GSE1: variants seen among roughly 807,000 people sequenced by gnomAD.
The protein encoded by GSE1 is genetic suppressor element 1.
A neutral mutation model predicts 112.6 loss-of-function variants in GSE1; 32 were observed. The ratio of observed to expected loss-of-function variants is 0.28; its 90% CI spans 0.21 to 0.38. The LOEUF is 0.38. Ranked by LOEUF, GSE1 falls within the 10% of genes least tolerant of loss-of-function variation. The probability of loss-of-function intolerance (pLI) is 1.00; values close to 1 mark genes in which losing one functional copy is unlikely to be tolerated. For missense variants in GSE1, 2,348 were observed against 1,699.2 expected (o/e 1.38, Z -6.71); for synonymous variants, 1,115 against 735.6 (o/e 1.52, Z -8.35).
upstream of GSE1, chr16:85,555,749 T>A: frequency 3.1e-6 from 3 of 976,508 alleles, no homozygotes; most frequent in Non-Finnish European, 3.6e-6. Context: ...CCCTCGCCCT[T>A]GACATTCAAA....
At chr16:85,391,496 T>C (rs2151646190) in intron 2 of GSE1, among the ~76,000 whole-genome samples, 1 of 152,358 alleles carries the variant, frequency 6.6e-6, no homozygotes, top group African/African-American at 2.4e-5. Context: ...CGATGCTTCC[T>C]GCCTCTTCCA....
intron 1 of GSE1, among the ~76,000 whole-genome samples, chr16:85,563,226 T>C (rs2045602438): frequency 6.7e-6 from 1 of 149,668 alleles, no homozygotes; most frequent in African/African-American, 2.5e-5. Flanking sequence ...GCCATATAGA[T>C]TTAAAGTCCT....
At chr16:85,653,635 G>A (rs1191592744) in intron 3 of GSE1, among the ~76,000 whole-genome samples, 5 of 151,956 alleles carry the variant, frequency 3.3e-5, no homozygotes, top group Admixed American at 1.3e-4. Context: ...TGTGAAGGCC[G>A]GTACCCCAGC....
At chr16:85,484,905 C>T (rs1423990892) in intron 2 of GSE1, among the ~76,000 whole-genome samples, 1 of 152,222 alleles carries the variant, frequency 6.6e-6, no homozygotes, top group Non-Finnish European at 1.5e-5. Context: ...TGCTGCCTCA[C>T]CCTGTGCCTG....
chr16:85,463,855 CG>C (rs2151829686), intron 2 of GSE1, among the ~76,000 whole-genome samples: 1 of 152,216 alleles, frequency 6.6e-6, no homozygotes, highest in African/African-American at 2.4e-5. Context: ...GTGAAGCTGG[CG>C]GTGGGCCACT....
chr16:85,392,151 C>T (rs566081587), intron 2 of GSE1, among the ~76,000 whole-genome samples: 2 of 152,186 alleles, frequency 1.3e-5, no homozygotes, highest in South Asian at 2.1e-4. Context: ...TCCTGGGATC[C>T]GCCTCTTGAG....
chr16:85,199,000 A>G (rs542489380), intron 1 of GSE1, among the ~76,000 whole-genome samples: 13 of 151,330 alleles, frequency 8.6e-5, no homozygotes, highest in African/African-American at 3.2e-4. Flanking sequence ...GCTGGAGTGC[A>G]GTGGCGTGAT....
At chr16:85,507,542 T>C (rs2051579681) in intron 2 of GSE1, among the ~76,000 whole-genome samples, 1 of 152,232 alleles carries the variant, frequency 6.6e-6, no homozygotes, top group South Asian at 2.1e-4. Flanking sequence ...ATCCATTTCC[T>C]TGCAGTTCTG....
At chr16:85,479,213 T>TTA (rs1555518700) in intron 2 of GSE1, among the ~76,000 whole-genome samples, 1 of 144,156 alleles carries the variant, frequency 6.9e-6, no homozygotes, top group Non-Finnish European at 1.5e-5. Flanking sequence ...TTTTTTTTTT[T>TTA]AGTAGAGACG....
chr16:85,504,281 G>C (rs571506593), intron 2 of GSE1, among the ~76,000 whole-genome samples: 33 of 152,218 alleles, frequency 2.2e-4, no homozygotes, highest in Non-Finnish European at 3.7e-4. Context: ...GGTTTGCAAA[G>C]CCTATTGTGA....
chr16:85,268,653 C>T lies in GSE1; in HGVS notation c.2284-88810C>T, dbSNP rs116990862. ...GGCACTGCTGCTGCCATGATCCCGGCGTGTAGCTGCCCCTGGAGCCCCCCA... is the reference window on the plus strand; with the variant it reads ...GGCACTGCTGCTGCCATGATCCCGGTGTGTAGCTGCCCCTGGAGCCCCCCA... On this transcript the variant is annotated intron_variant, in intron 1 of 2. Coordinates refer to the GSE1 transcript ENST00000637419. Among the ~76,000 whole-genome samples, 21 of 152,282 alleles carry T rather than the reference C, an allele frequency of 1.4e-4. No homozygotes were observed. In the East Asian group the frequency reaches 2.3e-3, roughly 17 times the overall value.
chr16:85,422,821 A>AT (rs2048882298), intron 2 of GSE1, among the ~76,000 whole-genome samples: 1 of 152,114 alleles, frequency 6.6e-6, no homozygotes, highest in African/African-American at 2.4e-5. Flanking sequence ...GAAAGCAGGC[A>AT]TTGGAGGAAG....
At chr16:85,670,644 T>G (rs898901566) in intron 14 of GSE1, 1 of 163,360 alleles carries the variant, frequency 6.1e-6, no homozygotes, top group Non-Finnish European at 1.3e-5. Flanking sequence ...AAATCTGTGC[T>G]TTAGGTGTAC....
intron 2 of GSE1, among the ~76,000 whole-genome samples, chr16:85,456,967 C>T (rs984874865): frequency 1.3e-5 from 2 of 152,172 alleles, no homozygotes; most frequent in Admixed American, 1.3e-4. Flanking sequence ...GAGACCAACT[C>T]CCGACAGAAG....
chr16:85,620,852 T>TG (rs2048688302), intron 1 of GSE1, among the ~76,000 whole-genome samples: 1 of 151,990 alleles, frequency 6.6e-6, no homozygotes, highest in Non-Finnish European at 1.5e-5. Context: ...GTCTTGGCCA[T>TG]GGGTGTCTGC....
chr16:85,484,136 G>A (rs2050763855), intron 2 of GSE1, among the ~76,000 whole-genome samples: 1 of 152,220 alleles, frequency 6.6e-6, no homozygotes, highest in Non-Finnish European at 1.5e-5. Flanking sequence ...GCAGGAATAT[G>A]CCCCTTCATA....
At chr16:85,582,130 C>G (rs1443413151) in intron 1 of GSE1, 1 of 152,218 alleles carries the variant, frequency 6.6e-6, no homozygotes, top group East Asian at 1.9e-4. Flanking sequence ...ACAGCCACTT[C>G]CGCAGGCACG....
chr16:85,303,690 G>A (rs940878193), intron 1 of GSE1, among the ~76,000 whole-genome samples: 3 of 152,266 alleles, frequency 2.0e-5, no homozygotes, highest in Non-Finnish European at 4.4e-5. Context: ...GTGCGGGCAG[G>A]AGCCGGGCGC....
At chr16:85,670,088 CTA>C (rs1457864188) in intron 14 of GSE1, among the ~76,000 whole-genome samples, 1 of 152,224 alleles carries the variant, frequency 6.6e-6, no homozygotes, top group South Asian at 2.1e-4. Flanking sequence ...TGGTACAAAA[CTA>C]TTACATCATT....
Sources: allele counts gnomAD v4.1 joint callset (sites outside exome capture counted in the v4.1 genomes callset), GRCh38; gene constraint gnomAD v4.1.1; transcripts MANE v1.5; gene names NCBI Gene and HGNC (gene_info 2026-07-23, HGNC 2026-07-21).